The following CCDC63 variants were observed in gnomAD, a reference collection of about 807,000 sequenced individuals.
The protein encoded by CCDC63 is coiled-coil domain-containing protein 63.
Under a neutral mutation model 63.6 loss-of-function variants are expected in CCDC63, and 54 were observed. That is an observed-to-expected ratio of 0.85 (90% CI 0.68 to 1.07). The LOEUF is 1.07. CCDC63 is among the 50% of genes least tolerant of loss of function. The pLI, the probability that CCDC63 is intolerant of heterozygous loss-of-function variation, is 0.00. For missense variants in CCDC63, 637 were observed against 689.6 expected, an observed-to-expected ratio of 0.92 and a Z score of 0.86; for synonymous variants, 253 against 266.1, an observed-to-expected ratio of 0.95 and a Z score of 0.48.
Position 110,873,873 on chromosome 12 carries a change from A to G in CCDC63, c.401A>G (p.Gln134Arg), listed in dbSNP as rs2071097355. The G allele has an allele frequency of 6.2e-7, 1 of 1,612,806 alleles. No homozygotes were observed. The highest frequency in any genetic ancestry group is 8.5e-7 in the Non-Finnish European group (1 of 1,179,684). ...ILQMEKKIAN[Q>R]KQIFAKMQEA... is the part of the protein sequence containing the mutation. ...CAGATGGAAAAAAAAATCGCAAACC[A>G]AAAACAGATTTTCGCAAAAATGCAG... Residue 134 changes from glutamine (Q) to arginine (R), a missense_variant, in exon 5 of 12, where the codon CAA becomes CGA. Coordinates refer to ENST00000308208, the MANE Select transcript of CCDC63 (RefSeq NM_152591.3).
chr12:110,864,147 C>T (rs1395318442), intron 4 of CCDC63, among the ~76,000 whole-genome samples: 1 of 152,238 alleles, frequency 6.6e-6, no homozygotes, highest in Non-Finnish European at 1.5e-5. Flanking sequence ...TTTGAGTAGA[C>T]CAGGGGTAGC....
chr12:110,877,509 C>T (rs887428809), intron 5 of CCDC63, among the ~76,000 whole-genome samples: 12 of 151,970 alleles, frequency 7.9e-5, no homozygotes, highest in Admixed American at 5.2e-4. Flanking sequence ...TGAGCCACTG[C>T]GCCTAGCCCC....
intron 10 of CCDC63, 109 bp downstream of exon 10, chr12:110,899,234 G>A (rs2071454519): frequency 1.0e-6 from 1 of 987,258 alleles, no homozygotes; most frequent in Admixed American, 2.9e-5. Flanking sequence ...GGCAAAGTGT[G>A]TGGGCACTAA....
chr12:110,893,671 G>A (rs745664660), intron 9 of CCDC63, among the ~76,000 whole-genome samples: 9 of 152,232 alleles, frequency 5.9e-5, no homozygotes, highest in Non-Finnish European at 8.8e-5. Flanking sequence ...GTTCACGGAA[G>A]TTAAGTCACT....
chr12:110,906,673 C>T (rs150700813), intron 11 of CCDC63, among the ~76,000 whole-genome samples: 1,944 of 152,044 alleles, frequency 0.013, 45 homozygotes, highest in African/African-American at 0.043. Context: ...CACACACACA[C>T]GCACACACAG....
chr12:110,880,943 T>C (rs2071199092), intron 6 of CCDC63, among the ~76,000 whole-genome samples, 172 bp from the exon 7 acceptor site: 2 of 149,438 alleles, frequency 1.3e-5, no homozygotes, highest in African/African-American at 2.5e-5. Context: ...GATCTAGAGC[T>C]TACAGCTCCT....
intron 6 of CCDC63, among the ~76,000 whole-genome samples, chr12:110,880,820 AGTGATGGTGATAATG>A (rs2071195239): frequency 2.8e-5 from 1 of 35,386 alleles, no homozygotes; most frequent in Non-Finnish European, 6.1e-5. Flanking sequence ...TGGTGATGGT[AGTGATGGTGATAATG>A]GTGATGGTGA....
At chr12:110,846,913 A>G (rs1304610076), upstream of CCDC63, 1 of 152,254 alleles carries the variant, frequency 6.6e-6, no homozygotes, top group Non-Finnish European at 1.5e-5. Context: ...GCAGGGGAGA[A>G]CGTCCATGTT....
chr12:110,892,066 C>T (rs1327966151), intron 8 of CCDC63, among the ~76,000 whole-genome samples: 1 of 152,094 alleles, frequency 6.6e-6, no homozygotes, highest in Non-Finnish European at 1.5e-5. Flanking sequence ...TTCTTAGGCC[C>T]CACCCAGACC....
chr12:110,872,584 G>A (rs1389881616), intron 4 of CCDC63, among the ~76,000 whole-genome samples: 1 of 152,168 alleles, frequency 6.6e-6, no homozygotes, highest in Non-Finnish European at 1.5e-5. Flanking sequence ...TATTAGAATT[G>A]AATGGAAAAT....
intron 5 of CCDC63, among the ~76,000 whole-genome samples, chr12:110,876,937 G>C (rs1455824411): frequency 6.6e-6 from 1 of 151,304 alleles, no homozygotes; most frequent in Non-Finnish European, 1.5e-5. Context: ...CTAGCTGCTC[G>C]GTAGGCTGAG....
At chr12:110,898,630 A>T (rs2071444573) in intron 9 of CCDC63, among the ~76,000 whole-genome samples, 1 of 151,920 alleles carries the variant, frequency 6.6e-6, no homozygotes, top group South Asian at 2.1e-4. Context: ...AAAAAAAAAA[A>T]AAAAATTCGT....
chr12:110,853,012 C>T, intron 2 of CCDC63, 49 bp downstream of exon 2: 2 of 1,586,958 alleles, frequency 1.3e-6, no homozygotes, highest in Non-Finnish European at 8.7e-7. Flanking sequence ...TGGGGTCAGG[C>T]ACTGTGCCAT....
chr12:110,904,843 C>CA, intron 11 of CCDC63, 52 bp downstream of exon 11: 1 of 1,462,670 alleles, frequency 6.8e-7, no homozygotes, highest in Non-Finnish European at 9.3e-7. Context: ...CCTGTGCCTT[C>CA]AGGTCTGGGG....
At chr12:110,888,314 A>G (rs2071311123) in intron 8 of CCDC63, among the ~76,000 whole-genome samples, 1 of 152,220 alleles carries the variant, frequency 6.6e-6, no homozygotes, top group Non-Finnish European at 1.5e-5. Context: ...GCAGAGGGGT[A>G]TGAGGACCCC....
chr12:110,889,574 C>T lies in CCDC63; in HGVS notation c.1075-3502C>T, dbSNP rs2071331080. On this transcript the variant is annotated intron_variant, in intron 8 of 11. Coordinates refer to ENST00000308208, the MANE Select transcript of CCDC63 (RefSeq NM_152591.3). The surrounding 1 kb of genome is among the most constrained non-coding windows in gnomAD (Gnocchi z 4.1). The stretch of plus-strand genomic sequence containing the variant: ...GCAGCTTGCAAGCAGGCCAGGGTGT[C>T]TGGCGCACAGAGAGAGACATGGGAG... Among the ~76,000 whole-genome samples, 1 of 152,098 alleles carries T rather than the reference C, an allele frequency of 6.6e-6. No individual in the cohort carries two copies. Among genetic ancestry groups the T allele is most frequent in the African/African-American group, 2.4e-5 (1 of 41,416 alleles).
intron 8 of CCDC63, 43 bp from the exon 9 acceptor site, chr12:110,893,033 G>T: frequency 6.5e-7 from 1 of 1,529,356 alleles, no homozygotes; most frequent in Non-Finnish European, 9.1e-7. Flanking sequence ...AGTGGGGAGG[G>T]AAGAGCCCAC....
chr12:110,872,362 G>A (rs1156493129), intron 4 of CCDC63, among the ~76,000 whole-genome samples: 4 of 152,220 alleles, frequency 2.6e-5, no homozygotes, highest in Non-Finnish European at 5.9e-5. Context: ...ACTGCAGTGA[G>A]AGGCCTGTAT....
At chr12:110,901,636 T>G (rs1472597504) in intron 10 of CCDC63, among the ~76,000 whole-genome samples, 2 of 152,102 alleles carry the variant, frequency 1.3e-5, no homozygotes, top group African/African-American at 4.8e-5. Flanking sequence ...TCTATCTCCA[T>G]GTGTTCATTG....
Sources: allele counts gnomAD v4.1 joint callset (sites outside exome capture counted in the v4.1 genomes callset), GRCh38; gene constraint gnomAD v4.1.1; non-coding constraint Gnocchi (gnomAD v3.1); transcripts MANE v1.5; gene names NCBI Gene and HGNC (gene_info 2026-07-23, HGNC 2026-07-21).